The following SLC39A11 variants were observed in gnomAD, a reference collection of about 807,000 sequenced individuals.
SLC39A11 encodes the protein solute carrier family 39 member 11, also known as zinc transporter ZIP11.
Under a neutral mutation model 36.1 loss-of-function variants are expected in SLC39A11, and 33 were observed. The ratio of observed to expected loss-of-function variants is 0.91; its 90% confidence interval spans 0.69 to 1.22. The LOEUF (loss-of-function observed/expected upper bound fraction) is 1.22, where lower values mean the gene tolerates loss of function less well. SLC39A11 is among the 50% of genes most tolerant of loss of function. The probability of loss-of-function intolerance (pLI) is 0.00; values close to 1 mark genes in which losing one functional copy is unlikely to be tolerated. For synonymous variants in SLC39A11, 166 were observed against 170.3 expected, an observed-to-expected ratio of 0.97 and a Z score of 0.20; for missense variants, 432 against 430.3, an observed-to-expected ratio of 1.00 and a Z score of -0.03.
At chr17:72,923,307 G>C (rs2083812651) in intron 5 of SLC39A11, among the ~76,000 whole-genome samples, 1 of 152,104 alleles carries the variant, frequency 6.6e-6, no homozygotes, top group Non-Finnish European at 1.5e-5. Context: ...CATCCAAGCA[G>C]GAGTTTTAAG....
intron 3 of SLC39A11, among the ~76,000 whole-genome samples, chr17:73,032,905 A>G (rs1598938886): frequency 6.6e-6 from 1 of 152,346 alleles, no homozygotes; most frequent in East Asian, 1.9e-4. Context: ...CGATTTGTAG[A>G]TAAAGAAATT....
At chr17:72,935,333 G>A (rs1352811498) in intron 5 of SLC39A11, among the ~76,000 whole-genome samples, 1 of 152,158 alleles carries the variant, frequency 6.6e-6, no homozygotes, top group Non-Finnish European at 1.5e-5. Context: ...TAGGGGCAGA[G>A]AACAGCTCAG....
intron 7 of SLC39A11, among the ~76,000 whole-genome samples, chr17:72,669,811 T>C (rs1307534974): frequency 1.3e-5 from 2 of 152,052 alleles, no homozygotes; most frequent in East Asian, 1.9e-4. Context: ...CTGGGCAACA[T>C]AGGGAGACCC....
At chr17:73,080,755 G>T (rs2060481180) in intron 3 of SLC39A11, among the ~76,000 whole-genome samples, 1 of 151,898 alleles carries the variant, frequency 6.6e-6, no homozygotes. Context: ...GACCAGCCTG[G>T]CCAACATGGT....
intron 5 of SLC39A11, among the ~76,000 whole-genome samples, chr17:72,882,858 G>A (rs557949735): frequency 5.8e-5 from 8 of 138,472 alleles, no homozygotes; most frequent in Non-Finnish European, 7.5e-5. Context: ...GTGCAATGGC[G>A]CGATCTCAGC....
intron 7 of SLC39A11, among the ~76,000 whole-genome samples, chr17:72,681,623 C>A (rs765286230): frequency 4.6e-5 from 7 of 152,168 alleles, no homozygotes; most frequent in African/African-American, 9.7e-5. Context: ...TCTGAAACAA[C>A]GAGGGGTTGA....
chr17:72,825,538 G>T (rs752054632), intron 6 of SLC39A11, among the ~76,000 whole-genome samples: 10 of 152,192 alleles, frequency 6.6e-5, no homozygotes, highest in African/African-American at 9.7e-5. Flanking sequence ...GTGAGAAGAG[G>T]TCACTGTTCT....
chr17:73,038,766 G>C (rs1009877847), intron 3 of SLC39A11, among the ~76,000 whole-genome samples: 133 of 121,028 alleles, frequency 1.1e-3, no homozygotes, highest in Non-Finnish European at 1.7e-3. Flanking sequence ...AGGGAGGAGG[G>C]ATGGAGGAGG....
At chr17:72,732,849 T>C (rs542938205) in intron 7 of SLC39A11, among the ~76,000 whole-genome samples, 1 of 152,356 alleles carries the variant, frequency 6.6e-6, no homozygotes, top group South Asian at 2.1e-4. Flanking sequence ...AGGTTTCTGG[T>C]ACAAGATAGA....
chr17:72,757,748 G>A (rs73351072), intron 6 of SLC39A11, among the ~76,000 whole-genome samples: 2,219 of 151,970 alleles, frequency 0.015, 47 homozygotes, highest in African/African-American at 0.05. Flanking sequence ...GGCAGCCATC[G>A]CTGGCTCCCT....
intron 7 of SLC39A11, among the ~76,000 whole-genome samples, chr17:72,728,263 C>A (rs2074013473): frequency 6.6e-6 from 1 of 152,112 alleles, no homozygotes; most frequent in Admixed American, 6.5e-5. Context: ...CCTGGGCAAA[C>A]TCAATCTCTA....
chr17:72,855,644 CA>C (rs1290700835), intron 5 of SLC39A11, among the ~76,000 whole-genome samples: 4 of 152,182 alleles, frequency 2.6e-5, no homozygotes, highest in Admixed American at 2.6e-4. Context: ...CGCCTGTAAT[CA>C]CAGCACTTTG....
chr17:73,065,208 C>T (rs1416105316), intron 3 of SLC39A11, among the ~76,000 whole-genome samples: 1 of 152,066 alleles, frequency 6.6e-6, no homozygotes, highest in Non-Finnish European at 1.5e-5. Context: ...AGTTCGAGAC[C>T]AGCCTGGCCA....
intron 6 of SLC39A11, among the ~76,000 whole-genome samples, chr17:72,846,000 A>ATCTC (rs796515825): frequency 6.0e-5 from 8 of 132,436 alleles, no homozygotes; most frequent in East Asian, 4.4e-4. Context: ...AAACCAATGA[A>ATCTC]TCTCTCTCTC....
rs181963842 is a variant in SLC39A11 at position 72,873,792 on chromosome 17, A to T, written c.431-23988T>A. Among the ~76,000 whole-genome samples the T allele has an allele frequency of 5.3e-4, 81 of 152,062 alleles. 5 individuals carry two copies. In the East Asian group the frequency reaches 8.1e-3, roughly 15 times the overall value. On this transcript the variant is annotated intron_variant, in intron 5 of 9. Transcript: ENST00000255559. The stretch of plus-strand genomic sequence containing the variant: ...AGAAACGGTTTGGCTCTGTGTCCCC[A>T]CCCCCACAACAAATCTCACTTTGAA...
intron 6 of SLC39A11, among the ~76,000 whole-genome samples, chr17:72,813,560 C>T (rs763213308): frequency 6.6e-6 from 1 of 152,184 alleles, no homozygotes; most frequent in Non-Finnish European, 1.5e-5. Flanking sequence ...CTATCCTCCT[C>T]TATAATCATG....
chr17:72,993,167 G>C (rs1206798181), intron 4 of SLC39A11, among the ~76,000 whole-genome samples: 1 of 152,112 alleles, frequency 6.6e-6, no homozygotes, highest in African/African-American at 2.4e-5. Context: ...CCATATCGGG[G>C]GTGCTGACTC....
At chr17:72,792,116 T>C (rs576660179) in intron 6 of SLC39A11, among the ~76,000 whole-genome samples, 1 of 152,120 alleles carries the variant, frequency 6.6e-6, no homozygotes, top group African/African-American at 2.4e-5. Context: ...TTAAATAGTA[T>C]GAAAATAGTG....
At chr17:72,679,922 G>A (rs2071437484) in intron 7 of SLC39A11, among the ~76,000 whole-genome samples, 1 of 151,666 alleles carries the variant, frequency 6.6e-6, no homozygotes, top group South Asian at 2.1e-4. Flanking sequence ...CATGCCTGTA[G>A]TCCCAGCTAC....
Sources: allele counts gnomAD v4.1 joint callset (sites outside exome capture counted in the v4.1 genomes callset), GRCh38; gene constraint gnomAD v4.1.1; transcripts MANE v1.5; gene names NCBI Gene and HGNC (gene_info 2026-07-23, HGNC 2026-07-21).